NCOA7: variants seen among roughly 807,000 people sequenced by gnomAD.
NCOA7 encodes 140 kDa estrogen receptor-associated protein.
In NCOA7, 45 loss-of-function variants were observed where a neutral mutation model predicts 104.3. The observed-to-expected ratio is 0.43, with a 90% CI of 0.34 to 0.55. The LOEUF is 0.55. Ranked by LOEUF, NCOA7 falls within the 20% of genes least tolerant of loss-of-function variation. The pLI is 0.02. For missense variants in NCOA7, 1,041 were observed against 1,119.7 expected, an observed-to-expected ratio of 0.93 and a Z score of 1.00; for synonymous variants, 398 against 402.3, an observed-to-expected ratio of 0.99 and a Z score of 0.13.
chr6:125,907,029 A>G (rs1786073403), intron 10 of NCOA7, among the ~76,000 whole-genome samples: 1 of 152,232 alleles, frequency 6.6e-6, no homozygotes, highest in Non-Finnish European at 1.5e-5. Context: ...CAGAGGACTT[A>G]GAACTTAAGT....
intron 2 of NCOA7, among the ~76,000 whole-genome samples, chr6:125,843,094 T>G (rs1480090497): frequency 1.3e-5 from 2 of 152,198 alleles, no homozygotes; most frequent in Non-Finnish European, 2.9e-5. Context: ...GAATGTTACC[T>G]TTTATGGCCA....
At chr6:125,786,573 CTTTT>C (rs148199881), upstream of NCOA7, among the ~76,000 whole-genome samples, 76 of 121,040 alleles carry the variant, frequency 6.3e-4, no homozygotes, top group East Asian at 1.0e-3. Context: ...TAATCATTGT[CTTTT>C]TTTTTTTTTT....
chr6:125,887,066 C>T (rs1377915461), intron 8 of NCOA7, among the ~76,000 whole-genome samples: 1 of 152,200 alleles, frequency 6.6e-6, no homozygotes, highest in Non-Finnish European at 1.5e-5. Context: ...GGCAACTGCA[C>T]TGCAGAAAAA....
chr6:125,857,742 G>A (rs751933447), intron 3 of NCOA7, among the ~76,000 whole-genome samples: 2 of 151,890 alleles, frequency 1.3e-5, no homozygotes, highest in Non-Finnish European at 2.9e-5. Context: ...CAGCAATGCA[G>A]CACTTATTAC....
intron 1 of NCOA7, among the ~76,000 whole-genome samples, chr6:125,784,242 G>T (rs1052577121): frequency 6.6e-6 from 1 of 152,056 alleles, no homozygotes; most frequent in Non-Finnish European, 1.5e-5. Flanking sequence ...AACATTTATT[G>T]AATCTAATAT....
At position 125,868,404 on chromosome 6, in the gene NCOA7, C is replaced by A. The variant is rs568528834; in HGVS notation, c.272-6485C>A. ...TGTTAAGCATGTGCTCTGTGCCAGGCTCTGAGATGAACACTGTATGAATCA... is the reference window on the plus strand; with the variant it reads ...TGTTAAGCATGTGCTCTGTGCCAGGATCTGAGATGAACACTGTATGAATCA... On this transcript the variant is annotated intron_variant, in intron 3 of 15. Transcript: ENST00000392477. Among the ~76,000 whole-genome samples the A allele has an allele frequency of 1.2e-4, 18 of 152,326 alleles. No individual in the cohort carries two copies. In the South Asian group the frequency reaches 3.7e-3, roughly 32 times the overall value.
intron 10 of NCOA7, among the ~76,000 whole-genome samples, chr6:125,907,926 G>A (rs117790000): frequency 2.0e-5 from 3 of 152,226 alleles, no homozygotes; most frequent in Non-Finnish European, 4.4e-5. Context: ...AAGTGTTTAC[G>A]ACTCTAAGCC....
At chr6:125,869,382 ATC>A (rs1782694100) in intron 3 of NCOA7, among the ~76,000 whole-genome samples, 1 of 152,094 alleles carries the variant, frequency 6.6e-6, no homozygotes, top group African/African-American at 2.4e-5. Context: ...GTACTCAAAA[ATC>A]TCTTATTTGA....
upstream of NCOA7, chr6:125,790,862 G>C (rs1001888748): frequency 6.6e-6 from 1 of 152,642 alleles, no homozygotes; most frequent in Non-Finnish European, 1.5e-5. Flanking sequence ...ACCCGATCCG[G>C]ACGCGGGGCC....
chr6:125,859,469 GACA>G lies in NCOA7; in HGVS notation c.271+4234_271+4236del, dbSNP rs548639781. 3.3e-5 allele frequency among the ~76,000 whole-genome samples: 5 copies of G among 152,198 alleles called. No individual in the cohort carries two copies. The East Asian group carries it at 7.7e-4, about 24-fold the overall frequency. On this transcript the variant is annotated intron_variant, in intron 3 of 15. Coordinates refer to ENST00000392477, the MANE Select transcript of NCOA7 (RefSeq NM_181782.5). ...AGAGAGCCAAAATGAAAAGTTAATGGACAACAAGTAATAATGAATGTATCGAAA... is the reference window on the plus strand; with the variant it reads ...AGAGAGCCAAAATGAAAAGTTAATGGACAAGTAATAATGAATGTATCGAAA...
At chr6:125,868,332 T>C (rs566658831) in intron 3 of NCOA7, among the ~76,000 whole-genome samples, 1 of 152,350 alleles carries the variant, frequency 6.6e-6, no homozygotes, top group East Asian at 1.9e-4. Context: ...CTATTCACAT[T>C]GCTATTTACT....
At position 125,864,743 on chromosome 6, in the gene NCOA7, C is replaced by T. The variant is rs964822405; in HGVS notation, c.271+9503C>T. On this transcript the variant is annotated intron_variant, in intron 3 of 15. Transcript: ENST00000392477. ...TCTTGATCTCGGACTTCCTAGTGTC[C>T]AGAACTCTGGGAGATAAATTACTGT... is the stretch of plus-strand genomic sequence containing the variant. Among the ~76,000 whole-genome samples, 20 of 137,122 alleles carry T rather than the reference C, an allele frequency of 1.5e-4. 6 individuals are homozygous for T. The highest frequency in any genetic ancestry group is 4.9e-4 in the African/African-American group (16 of 32,654). The allele number at this position is 137,122 out of a possible 152,430, so 90.0% of individuals were successfully genotyped here.
At chr6:125,809,021 C>T (rs542328952) in intron 1 of NCOA7, among the ~76,000 whole-genome samples, 10 of 152,292 alleles carry the variant, frequency 6.6e-5, no homozygotes, top group Non-Finnish European at 1.3e-4. Flanking sequence ...AACCCTTTCC[C>T]GAATAGCAGA....
intron 2 of NCOA7, among the ~76,000 whole-genome samples, chr6:125,829,522 T>A (rs551697426): frequency 6.6e-6 from 1 of 152,336 alleles, no homozygotes; most frequent in East Asian, 1.9e-4. Context: ...GTTGTGTTTG[T>A]TGAGAATAGT....
chr6:125,836,137 A>G (rs932545819), intron 2 of NCOA7, among the ~76,000 whole-genome samples: 4 of 152,216 alleles, frequency 2.6e-5, no homozygotes, highest in African/African-American at 9.6e-5. Context: ...TGACAGCTTT[A>G]TGTAGAATTC....
chr6:125,851,621 G>A (rs1279586724), intron 2 of NCOA7, among the ~76,000 whole-genome samples: 1 of 152,180 alleles, frequency 6.6e-6, no homozygotes, highest in Non-Finnish European at 1.5e-5. Context: ...ACCCAGTAAT[G>A]CAATTGCTGG....
intron 10 of NCOA7, among the ~76,000 whole-genome samples, chr6:125,906,281 G>A (rs1023178298): frequency 2.5e-4 from 38 of 152,288 alleles, no homozygotes; most frequent in African/African-American, 8.9e-4. Context: ...CACATTTTAA[G>A]AACAGTACAA....
At chr6:125,825,886 T>G (rs1778616370) in intron 2 of NCOA7, among the ~76,000 whole-genome samples, 1 of 152,236 alleles carries the variant, frequency 6.6e-6, no homozygotes, top group African/African-American at 2.4e-5. Flanking sequence ...AGGGTAGATA[T>G]ATTTTAAATG....
rs556777516 is a variant in NCOA7 at position 125,829,836 on chromosome 6, A to G, written c.50+14432A>G. On this transcript the variant is annotated intron_variant, in intron 2 of 15. Coordinates refer to ENST00000392477, the MANE Select transcript of NCOA7 (RefSeq NM_181782.5). ...AAGTAATTGAGAGATTAGAAAGAAA[A>G]CACAGCATTTTCTTTTCTAAGTGTC... 4.6e-5 allele frequency among the ~76,000 whole-genome samples: 7 copies of G among 152,360 alleles called. No homozygotes were observed. In the South Asian group the frequency reaches 1.2e-3, roughly 27 times the overall value.
Sources: gnomAD v4.1 joint callset for allele counts (sites outside exome capture counted in the v4.1 genomes callset) on GRCh38, gnomAD v4.1.1 for gene constraint, MANE v1.5 for transcripts, NCBI Gene and HGNC (gene_info 2026-07-23, HGNC 2026-07-21) for gene names.